The following PRKCE variants were observed in gnomAD, a reference collection of about 807,000 sequenced individuals.
The protein encoded by PRKCE is protein kinase C epsilon.
Under a neutral mutation model 85.4 loss-of-function variants are expected in PRKCE, and 16 were observed. The ratio of observed to expected loss-of-function variants is 0.19; its 90% confidence interval spans 0.13 to 0.28. PRKCE has a LOEUF of 0.28. Among genes scored for constraint, PRKCE ranks in the 10% least tolerant of loss-of-function variants. The pLI, the probability that PRKCE is intolerant of heterozygous loss-of-function variation, is 1.00. For synonymous variants in PRKCE, 388 were observed against 371.5 expected (o/e 1.04, Z -0.51); for missense variants, 573 against 975.2 (o/e 0.59, Z 5.49).
chr2:45,806,396 TTTAA>T (rs1480674860), intron 1 of PRKCE, among the ~76,000 whole-genome samples: 1 of 152,214 alleles, frequency 6.6e-6, no homozygotes, highest in Non-Finnish European at 1.5e-5. Flanking sequence ...TATTCATTTG[TTTAA>T]TTAGTTTGTT....
rs538368631 is a variant in PRKCE at position 46,138,725 on chromosome 2, G to A, written c.1593-6368G>A. Reference sequence around the variant, plus strand: ...AGTTGGTTGTCACAGCTGGAGAGGGGGCATACTAATAGCACCTAATGCATC... The same window carrying A: ...AGTTGGTTGTCACAGCTGGAGAGGGAGCATACTAATAGCACCTAATGCATC... On this transcript the variant is annotated intron_variant, in intron 11 of 14. Coordinates refer to ENST00000306156, the MANE Select transcript of PRKCE (RefSeq NM_005400.3). This position sits in a 1 kb window ranked among gnomAD's most constrained non-coding sequence, Gnocchi z 4.2. 2.0e-5 allele frequency among the ~76,000 whole-genome samples: 3 copies of A among 152,096 alleles called. No homozygotes were observed. Among genetic ancestry groups the A allele is most frequent in the African/African-American group, 7.2e-5 (3 of 41,410 alleles).
At chr2:45,762,158 T>C (rs151099601) in intron 1 of PRKCE, among the ~76,000 whole-genome samples, 14 of 152,338 alleles carry the variant, frequency 9.2e-5, no homozygotes, top group African/African-American at 3.1e-4. Flanking sequence ...CTCTCATCAA[T>C]GGAAGAGAAG....
chr2:46,152,604 A>G (rs546474362), intron 13 of PRKCE, among the ~76,000 whole-genome samples: 1 of 151,972 alleles, frequency 6.6e-6, no homozygotes, highest in African/African-American at 2.4e-5. Context: ...GCTGGAGTGC[A>G]GTGGCGTGAT....
chr2:45,916,217 T>A (rs1268262545), intron 2 of PRKCE, among the ~76,000 whole-genome samples: 1 of 152,072 alleles, frequency 6.6e-6, no homozygotes, highest in Non-Finnish European at 1.5e-5. Flanking sequence ...AGTTCTTCTA[T>A]ATTCTTCTAT....
In PRKCE at chr2:46,001,840, A is replaced by G. The variant is rs971336131; in HGVS notation, c.966+294A>G. On this transcript the variant is annotated intron_variant, in intron 7 of 14. Coordinates refer to ENST00000306156, the MANE Select transcript of PRKCE (RefSeq NM_005400.3). The surrounding 1 kb of genome is among the most constrained non-coding windows in gnomAD (Gnocchi z 4.4). ...AATTCCTTCTAGAAAAAGCTTAACA[A>G]CTCCATACAAGGAAATGGACTTATC... Among the ~76,000 whole-genome samples, 2 of 152,130 alleles carry G rather than the reference A, an allele frequency of 1.3e-5. No individual in the cohort carries two copies. The highest frequency in any genetic ancestry group is 2.9e-5 in the Non-Finnish European group (2 of 68,028).
At chr2:45,766,764 G>A (rs1238833257) in intron 1 of PRKCE, among the ~76,000 whole-genome samples, 7 of 152,198 alleles carry the variant, frequency 4.6e-5, no homozygotes, top group Non-Finnish European at 7.3e-5. Context: ...TCTGGGCCGG[G>A]CACGGAGGCT....
chr2:45,976,682 T>C (rs1203055906), intron 3 of PRKCE, 94 bp downstream of exon 3: 2 of 1,404,012 alleles, frequency 1.4e-6, no homozygotes, highest in South Asian at 2.6e-5. Context: ...ATTTAAAGAA[T>C]GCTGGTGTGC....
intron 10 of PRKCE, among the ~76,000 whole-genome samples, chr2:46,029,547 C>T (rs1285753587): frequency 1.3e-5 from 2 of 152,130 alleles, no homozygotes; most frequent in Admixed American, 6.5e-5. Context: ...GAAAAGGCCT[C>T]CCTGTATCCC....
At position 45,671,044 on chromosome 2, in the gene PRKCE, C is replaced by G. The variant is rs538739704; in HGVS notation, c.348+18596C>G. Reference sequence around the variant, plus strand: ...TGCCCTGTAATACAAGGCGGGTTTCCTCAGCTCTAGCCATACTTCAACTGG... The same window carrying G: ...TGCCCTGTAATACAAGGCGGGTTTCGTCAGCTCTAGCCATACTTCAACTGG... On this transcript the variant is annotated intron_variant, in intron 1 of 14. Coordinates refer to ENST00000306156, the MANE Select transcript of PRKCE (RefSeq NM_005400.3). 3.9e-5 allele frequency among the ~76,000 whole-genome samples: 6 copies of G among 152,176 alleles called. No individual in the cohort carries two copies. In the South Asian group the frequency reaches 6.2e-4, roughly 16 times the overall value.
intron 1 of PRKCE, among the ~76,000 whole-genome samples, chr2:45,805,005 T>TTTCTAGACTGTTC (rs1688138723): frequency 6.6e-6 from 1 of 151,492 alleles, no homozygotes; most frequent in South Asian, 2.1e-4. Context: ...GAGATGACTG[T>TTTCTAGACTGTTC]TCTAGAAAAC....
intron 1 of PRKCE, among the ~76,000 whole-genome samples, chr2:45,677,308 G>A (rs989468811): frequency 6.6e-6 from 1 of 151,336 alleles, no homozygotes; most frequent in African/African-American, 2.4e-5. Flanking sequence ...GGTTATGGAG[G>A]AGCCAGTGAA....
chr2:45,937,827 C>T (rs1270588500), intron 2 of PRKCE, among the ~76,000 whole-genome samples: 1 of 152,206 alleles, frequency 6.6e-6, no homozygotes, highest in African/African-American at 2.4e-5. Context: ...TACATTCTGT[C>T]ACTCCAACTC....
At chr2:45,967,054 G>T (rs1383813120) in intron 2 of PRKCE, among the ~76,000 whole-genome samples, 1 of 152,168 alleles carries the variant, frequency 6.6e-6, no homozygotes, top group African/African-American at 2.4e-5. Flanking sequence ...TCTCCTCAGG[G>T]CCAGGGGTGT....
intron 6 of PRKCE, among the ~76,000 whole-genome samples, chr2:45,988,825 C>T (rs903289705): frequency 1.3e-5 from 2 of 152,182 alleles, no homozygotes; most frequent in African/African-American, 4.8e-5. Context: ...TCATTCTGCA[C>T]TTTGTTGGAA....
At chr2:45,724,078 C>T (rs951037833) in intron 1 of PRKCE, among the ~76,000 whole-genome samples, 2 of 152,174 alleles carry the variant, frequency 1.3e-5, no homozygotes, top group Admixed American at 6.5e-5. Flanking sequence ...TATGCAGGCA[C>T]ACCTTGTTTT....
At chr2:45,761,326 CAAAAA>C (rs370710295) in intron 1 of PRKCE, among the ~76,000 whole-genome samples, 92 of 82,244 alleles carry the variant, frequency 1.1e-3, no homozygotes, top group African/African-American at 4.6e-3. Context: ...GACTCCATCT[CAAAAA>C]AAAAAAAAAA....
chr2:45,731,099 A>G (rs1030188022), intron 1 of PRKCE, among the ~76,000 whole-genome samples: 1 of 152,196 alleles, frequency 6.6e-6, no homozygotes, highest in African/African-American at 2.4e-5. Flanking sequence ...GAAAGTGGCT[A>G]CTGTGGACAG....
At chr2:45,990,686 G>A (rs1179652068) in intron 6 of PRKCE, among the ~76,000 whole-genome samples, 1 of 146,018 alleles carries the variant, frequency 6.8e-6, no homozygotes, top group Non-Finnish European at 1.5e-5. Context: ...ATGGAGTCTC[G>A]CTCTGTTGCC....
intron 1 of PRKCE, among the ~76,000 whole-genome samples, chr2:45,730,485 A>C (rs1179884993): frequency 7.1e-6 from 1 of 141,118 alleles, no homozygotes; most frequent in East Asian, 2.1e-4. Flanking sequence ...CCCGAGACAG[A>C]GTCTCACCCT....
Sources: gnomAD v4.1 joint callset for allele counts (sites outside exome capture counted in the v4.1 genomes callset) on GRCh38, gnomAD v4.1.1 for gene constraint, Gnocchi (gnomAD v3.1) non-coding constraint, MANE v1.5 for transcripts, NCBI Gene and HGNC (gene_info 2026-07-23, HGNC 2026-07-21) for gene names.